LSS: variants seen among roughly 807,000 people sequenced by gnomAD.
LSS encodes the protein 2,3-epoxysqualene-lanosterol cyclase.
In LSS, 90 loss-of-function variants were observed where a neutral mutation model predicts 110.3. The ratio of observed to expected loss-of-function variants is 0.82; its 90% CI spans 0.69 to 0.97. The LOEUF is 0.97. Among genes scored for constraint, LSS ranks in the 50% least tolerant of loss-of-function variants. The probability of loss-of-function intolerance (pLI) is 0.00; values close to 1 mark genes in which losing one functional copy is unlikely to be tolerated. For missense variants in LSS, 927 were observed against 990.0 expected (o/e 0.94, Z 0.85); for synonymous variants, 433 against 400.0 (o/e 1.08, Z -0.98).
At chr21:46,208,914 G>C (rs920350685) in intron 13 of LSS, among the ~76,000 whole-genome samples, 61 of 152,228 alleles carry the variant, frequency 4.0e-4, no homozygotes, top group African/African-American at 1.4e-3. Context: ...CAATGTCCTA[G>C]TGAGAGCTGA....
Position 46,227,635 on chromosome 21 carries a change from T to C in LSS, c.236A>G (p.Asn79Ser), listed in dbSNP as rs1381278740. Residue 79 changes from asparagine to serine, a missense_variant, in exon 3 of 22, where the codon AAC becomes AGC. By Grantham distance (46) the Asn-to-Ser change is conservative (BLOSUM62 1). Transcript: ENST00000397728. ...KAHTAFEGAL[N>S]GMTFYVGLQA... ...CAGCCCCACGTAAAATGTCATCCCGTTCAGAGCCCCCTCAAAGGCGGTGTG... is the reference window on the plus strand; with the variant it reads ...CAGCCCCACGTAAAATGTCATCCCGCTCAGAGCCCCCTCAAAGGCGGTGTG... 1 of 1,613,836 alleles carries C rather than the reference T, an allele frequency of 6.2e-7. No homozygotes were observed. Among genetic ancestry groups the C allele is most frequent in the Non-Finnish European group, 8.5e-7 (1 of 1,179,976 alleles).
rs1386669217 is a variant in LSS, at chr21:46,207,500, C to G, written c.1395G>C (p.Leu465=). ...CATGGGGACACTTCTCCTGCAGGAGCAGCACAGCCTTCAAGGCCTCAGCCG... is the reference window on the plus strand; with the variant it reads ...CATGGGGACACTTCTCCTGCAGGAGGAGCACAGCCTTCAAGGCCTCAGCCG... The part of the protein sequence containing the change: ...DCTAEALKAV[L]LLQEKCPHVT... The change falls in exon 15 of 22, where the codon CTG becomes CTC. Residue 465 remains leucine, a synonymous_variant. Transcript: ENST00000397728. 6.2e-7 allele frequency: 1 copy of G among 1,612,234 alleles called. No individual in the cohort carries two copies. The highest frequency in any genetic ancestry group is 8.5e-7 in the Non-Finnish European group (1 of 1,179,454).
rs770471914 is a variant in LSS at position 46,221,970 on chromosome 21, A to G, written c.434T>C (p.Ile145Thr). ...CCCAAACACGGTGGACTTATCCTCA[A>G]TGTGCCTACAGGAGCAGAGGACAGG... ...QLPDGGWGLHIEDKSTVFGTA... is the reference protein window; with the variant it reads ...QLPDGGWGLHTEDKSTVFGTA... The change falls in exon 5 of 22, where the codon ATT becomes ACT. Residue 145 changes from isoleucine (I) to threonine (T), a missense_variant. Coordinates refer to ENST00000397728, the MANE Select transcript of LSS (RefSeq NM_002340.6). 3.1e-6 allele frequency: 5 copies of G among 1,614,062 alleles called. No individual in the cohort carries two copies. The South Asian group carries it at 4.4e-5, about 14-fold the overall frequency.
chr21:46,227,651 A>C lies in LSS; in HGVS notation c.220T>G (p.Phe74Val). The C allele has an allele frequency of 1.2e-6, 2 of 1,613,904 alleles. No homozygotes were observed. The highest frequency in any genetic ancestry group is 2.2e-5 in the South Asian group (2 of 91,078). The change falls in exon 3 of 22, where the codon TTT becomes GTT. Residue 74 changes from phenylalanine to valine, a missense_variant. Coordinates refer to ENST00000397728, the MANE Select transcript of LSS (RefSeq NM_002340.6). ...GTCATCCCGTTCAGAGCCCCCTCAAAGGCGGTGTGGGCTTTGGGCAAGTCC... is the reference window on the plus strand; with the variant it reads ...GTCATCCCGTTCAGAGCCCCCTCAACGGCGGTGTGGGCTTTGGGCAAGTCC... The part of the protein sequence containing the change: ...FKDLPKAHTA[F>V]EGALNGMTFY...
intron 9 of LSS, 84 bp from the exon 10 acceptor site, chr21:46,213,919 G>T: frequency 1.1e-6 from 1 of 942,174 alleles, no homozygotes; most frequent in Non-Finnish European, 1.7e-6. Flanking sequence ...ATCCACAGCA[G>T]CCCCCAGGCA....
At chr21:46,225,987 A>G (rs945192544) in intron 3 of LSS, among the ~76,000 whole-genome samples, 5 of 151,998 alleles carry the variant, frequency 3.3e-5, no homozygotes, top group African/African-American at 9.7e-5. Context: ...ATCTCCGCAC[A>G]CAGGGAGAAA....
intron 6 of LSS, 111 bp downstream of exon 6, chr21:46,219,365 G>GA: frequency 1.6e-6 from 1 of 634,444 alleles, no homozygotes; most frequent in Non-Finnish European, 2.6e-6. Context: ...CCCACCCACA[G>GA]AATGCCCACC....
chr21:46,189,707 G>A lies in LSS; in HGVS notation c.*1397C>T. The stretch of plus-strand genomic sequence containing the variant: ...CCTGAGGGAGAGTGATCAGCCAGGG[G>A]GAGAGGCCAGGGACTGCTACCTGCC... On this transcript the variant is annotated 3_prime_UTR_variant, in exon 22 of 22. Transcript: ENST00000397728. 2.2e-6 allele frequency: 1 copy of A among 456,854 alleles called. No individual in the cohort carries two copies. Among genetic ancestry groups the A allele is most frequent in the Non-Finnish European group, 4.4e-6 (1 of 226,948 alleles). The allele number at this position is 456,854 out of a possible 1,614,324, so 28.3% of individuals were successfully genotyped here.
At position 46,189,562 on chromosome 21, in the gene LSS, C is replaced by T. The variant is rs79636523; in HGVS notation, c.*1542G>A. 2.3e-6 allele frequency: 1 copy of T among 425,940 alleles called. No individual in the cohort carries two copies. The highest frequency in any genetic ancestry group is 4.7e-6 in the Non-Finnish European group (1 of 212,596). 26.4% of individuals were successfully genotyped at this position (425,940 alleles called of 1,614,324 possible). On this transcript the variant is annotated 3_prime_UTR_variant, in exon 22 of 22. Transcript: ENST00000397728. ...GGCAAGGGAGCTGGACAGAAGACCC[C>T]AGAGGGTGCGGCACCTGGGTGAGAG...
chr21:46,207,447 A>G lies in LSS; in HGVS notation c.1448T>C (p.Leu483Pro). Residue 483 changes from leucine (L) to proline (P), a missense_variant, in exon 15 of 22, where the codon CTC (leucine) becomes CCC (proline). Leu to Pro is a moderately conservative substitution (Grantham distance 98). Coordinates refer to ENST00000397728, the MANE Select transcript of LSS (RefSeq NM_002340.6). The part of the protein sequence containing the change: ...HVTEHIPRER[L>P]CDAVAVLLNM... Reference sequence around the variant, plus strand: ...CCTTACCACAGCCACAGCATCGCAGAGCCGTTCTCTGGGGATGTGCTCGGT... The same window carrying G: ...CCTTACCACAGCCACAGCATCGCAGGGCCGTTCTCTGGGGATGTGCTCGGT... 1.9e-6 allele frequency: 3 copies of G among 1,612,604 alleles called. No individual in the cohort carries two copies. Among genetic ancestry groups the G allele is most frequent in the Non-Finnish European group, 2.5e-6 (3 of 1,179,696 alleles).
Position 46,189,368 on chromosome 21 carries a change from T to A in LSS, c.*1736A>T. The A allele has an allele frequency of 7.0e-6, 2 of 287,058 alleles. No individual in the cohort carries two copies. Among genetic ancestry groups the A allele is most frequent in the Non-Finnish European group, 1.4e-5 (2 of 147,012 alleles). The allele number at this position is 287,058 out of a possible 1,614,324, so 17.8% of individuals were successfully genotyped here. ...CGTGGGCTGAGAAAAAAAAACAGCA[T>A]GTGCAAACCTGACAGATGTCAAGGG... On this transcript the variant is annotated 3_prime_UTR_variant, in exon 22 of 22. Coordinates refer to ENST00000397728, the MANE Select transcript of LSS (RefSeq NM_002340.6).
At chr21:46,225,290 A>G (rs1270171647) in intron 3 of LSS, 2 of 405,482 alleles carry the variant, frequency 4.9e-6, no homozygotes, top group Non-Finnish European at 9.9e-6. Flanking sequence ...CAAGAGTGAG[A>G]GCCTTCTGTT....
intron 17 of LSS, among the ~76,000 whole-genome samples, chr21:46,198,871 A>G (rs2079944931): frequency 6.6e-6 from 1 of 151,386 alleles, no homozygotes; most frequent in Admixed American, 6.6e-5. Flanking sequence ...CAAACCATAA[A>G]CCCTTCACAA....
At chr21:46,213,191 C>A (rs974216882) in intron 10 of LSS, 139 bp from the exon 11 acceptor site, 7 of 786,760 alleles carry the variant, frequency 8.9e-6, no homozygotes, top group Non-Finnish European at 1.5e-5. Flanking sequence ...GATGCCACCC[C>A]AGCTGGGCTG....
chr21:46,210,709 G>A lies in LSS; in HGVS notation c.1173C>T (p.Phe391=), dbSNP rs565649711. The change falls in exon 12 of 22, where the codon TTC becomes TTT. Residue 391 remains phenylalanine (F), a synonymous_variant. Coordinates refer to ENST00000397728, the MANE Select transcript of LSS (RefSeq NM_002340.6). ...TNGSQIWDTA[F]AIQALLEAGG... ...GAACCTCAAGCAGAGCCTGGATGGC[G>A]AATGCGGTGTCCCAGATCTGTGAGC... 31 of 1,614,086 alleles carry A rather than the reference G, an allele frequency of 1.9e-5. No individual in the cohort carries two copies. The highest frequency in any genetic ancestry group is 1.3e-4 in the East Asian group (6 of 44,880).
At position 46,205,433 on chromosome 21, in the gene LSS, G is replaced by C. The variant is rs77979320; in HGVS notation, c.1670+403C>G. Among the ~76,000 whole-genome samples, 234 of 152,302 alleles carry C rather than the reference G, an allele frequency of 1.5e-3. 1 individual carries two copies. The highest frequency in any genetic ancestry group is 5.4e-3 in the African/African-American group (224 of 41,568). On this transcript the variant is annotated intron_variant, in intron 17 of 21. Coordinates refer to ENST00000397728, the MANE Select transcript of LSS (RefSeq NM_002340.6). The stretch of plus-strand genomic sequence containing the variant: ...CGTCATGGGGCGGGCCGAGGGCTCT[G>C]GTGGTGTCACCATGTCTAATGCTGG...
In LSS at chr21:46,216,633, T is replaced by C. The variant is rs773989250; in HGVS notation, c.648-109A>G. 5.1e-5 allele frequency: 67 copies of C among 1,325,714 alleles called. No individual in the cohort carries two copies. The highest frequency in any genetic ancestry group is 6.3e-5 in the Non-Finnish European group (63 of 993,576). 82.1% of individuals were successfully genotyped at this position (1,325,714 alleles called of 1,614,324 possible). ...AGCACGAACACTGGTGGATGGCTAT[T>C]CCCCACCACGTCAGTGCATCTGCGG... On this transcript the variant is annotated intron_variant, in intron 6 of 21. Coordinates refer to ENST00000397728, the MANE Select transcript of LSS (RefSeq NM_002340.6). This position sits in a 1 kb window ranked among gnomAD's most constrained non-coding sequence, Gnocchi z 4.2.
At chr21:46,192,302 T>G in intron 20 of LSS, 1 of 432,432 alleles carries the variant, frequency 2.3e-6, no homozygotes, top group African/African-American at 2.0e-5. Flanking sequence ...GAGCTCACAC[T>G]TGCTTGCTGG....
At chr21:46,205,383 G>C (rs1025599810) in intron 17 of LSS, among the ~76,000 whole-genome samples, 4 of 152,178 alleles carry the variant, frequency 2.6e-5, no homozygotes, top group South Asian at 2.1e-4. Context: ...AGACACCCAC[G>C]ACCTGGCAGG....
Sources: gnomAD v4.1 joint callset for allele counts (sites outside exome capture counted in the v4.1 genomes callset) on GRCh38, gnomAD v4.1.1 for gene constraint, Gnocchi (gnomAD v3.1) non-coding constraint, MANE v1.5 for transcripts, NCBI Gene and HGNC (gene_info 2026-07-23, HGNC 2026-07-21) for gene names.